Variants in ZFYVE9 observed in about 807,000 individuals in gnomAD.
ZFYVE9 encodes the protein zinc finger FYVE domain-containing protein 9.
A neutral mutation model predicts 126.7 loss-of-function variants in ZFYVE9; 43 were observed. The ratio of observed to expected loss-of-function variants is 0.34; its 90% CI spans 0.27 to 0.44. The LOEUF (loss-of-function observed/expected upper bound fraction) is 0.44. ZFYVE9 is among the 20% of genes least tolerant of loss of function. The probability of loss-of-function intolerance (pLI) is 1.00; values close to 1 mark genes in which losing one functional copy is unlikely to be tolerated. For synonymous variants in ZFYVE9, 521 were observed against 597.4 expected (o/e 0.87, Z 1.87); for missense variants, 1,476 against 1,697.0 (o/e 0.87, Z 2.29).
intron 1 of ZFYVE9, among the ~76,000 whole-genome samples, chr1:52,164,884 G>T (rs898260097): frequency 6.6e-6 from 1 of 152,166 alleles, no homozygotes; most frequent in Non-Finnish European, 1.5e-5. Context: ...ATATGATTGG[G>T]AAGTTTGTAG....
intron 1 of ZFYVE9, among the ~76,000 whole-genome samples, chr1:52,154,648 C>G (rs750111384): frequency 6.6e-6 from 1 of 152,206 alleles, no homozygotes; most frequent in Non-Finnish European, 1.5e-5. Flanking sequence ...CTTTGTCCTT[C>G]TCCTTAAAGG....
chr1:52,242,751 G>T (rs1645347124), intron 4 of ZFYVE9, among the ~76,000 whole-genome samples: 1 of 152,138 alleles, frequency 6.6e-6, no homozygotes, highest in Admixed American at 6.5e-5. Flanking sequence ...AGCTGCTTTA[G>T]AATATTACAT....
chr1:52,328,356 C>A (rs768866678), intron 13 of ZFYVE9, among the ~76,000 whole-genome samples: 51 of 152,236 alleles, frequency 3.4e-4, no homozygotes, highest in Admixed American at 1.8e-3. Flanking sequence ...AATAACACAA[C>A]CAAAATGGAT....
chr1:52,317,659 G>C (rs894529831), intron 13 of ZFYVE9, among the ~76,000 whole-genome samples: 1 of 152,098 alleles, frequency 6.6e-6, no homozygotes, highest in African/African-American at 2.4e-5. Context: ...CCAAAAGCCA[G>C]TTCTTTGAGA....
chr1:52,292,653 G>A (rs1033858166), intron 10 of ZFYVE9, among the ~76,000 whole-genome samples: 1 of 151,776 alleles, frequency 6.6e-6, no homozygotes, highest in African/African-American at 2.4e-5. Context: ...TGTATTTTTA[G>A]TAGAGATGGG....
At chr1:52,193,778 G>A (rs1384554328) in intron 1 of ZFYVE9, among the ~76,000 whole-genome samples, 2 of 141,642 alleles carry the variant, frequency 1.4e-5, no homozygotes, top group Admixed American at 7.0e-5. Context: ...ATGTCTTAAT[G>A]TTTATCTTCA....
intron 6 of ZFYVE9, 34 bp downstream of exon 6, chr1:52,266,865 C>T: frequency 6.6e-7 from 1 of 1,513,200 alleles, no homozygotes; most frequent in Non-Finnish European, 8.8e-7. Context: ...TCTCTTTTTC[C>T]TCACGAAGTT....
rs531891662 is a variant in ZFYVE9 at position 52,282,763 on chromosome 1, AT to A, written c.3025+948del. Among the ~76,000 whole-genome samples the A allele has an allele frequency of 8.2e-4, 125 of 152,326 alleles. 1 individual carries two copies. The Middle Eastern group carries it at 0.024, about 29-fold the overall frequency. ...ACACAAAAATTCAGAAGCAACCTGA[AT>A]GCCTTAGCTATAGGTGGAAAGTTTA... On this transcript the variant is annotated intron_variant, in intron 10 of 18. Coordinates refer to ENST00000287727, the MANE Select transcript of ZFYVE9 (RefSeq NM_004799.4).
intron 2 of ZFYVE9, among the ~76,000 whole-genome samples, chr1:52,224,146 G>A (rs79139463): frequency 2.0e-5 from 3 of 152,346 alleles, no homozygotes; most frequent in Non-Finnish European, 4.4e-5. Context: ...TTGAGGAAGG[G>A]AGGAAAGGAA....
intron 1 of ZFYVE9, among the ~76,000 whole-genome samples, chr1:52,204,590 G>T (rs532709455): frequency 3.9e-5 from 6 of 152,244 alleles, no homozygotes; most frequent in Admixed American, 3.3e-4. Flanking sequence ...AGCTGGGCAT[G>T]GTTGCGTGTG....
chr1:52,184,759 G>C (rs550251035), intron 1 of ZFYVE9, among the ~76,000 whole-genome samples: 5 of 152,018 alleles, frequency 3.3e-5, no homozygotes, highest in Admixed American at 3.3e-4. Context: ...AACTGAGTGC[G>C]GTGACCTATA....
intron 2 of ZFYVE9, among the ~76,000 whole-genome samples, chr1:52,225,195 G>A (rs346553): frequency 0.23 from 34,721 of 152,110 alleles, 8,231 homozygotes; most frequent in African/African-American, 0.61. Flanking sequence ...GGAATTCTTA[G>A]GGATCCTCCC....
At chr1:52,180,423 A>G (rs1644687200) in intron 1 of ZFYVE9, 1 of 1,442,282 alleles carries the variant, frequency 6.9e-7, no homozygotes, top group Non-Finnish European at 9.7e-7. Context: ...GTTGCAGTGA[A>G]AACTGTCTGA....
At chr1:52,181,618 C>T (rs1013910661) in intron 1 of ZFYVE9, among the ~76,000 whole-genome samples, 1 of 151,190 alleles carries the variant, frequency 6.6e-6, no homozygotes, top group African/African-American at 2.4e-5. Context: ...GCCCGCCCGC[C>T]ATCCCATCTA....
chr1:52,188,768 TTTAG>T (rs1404415042), intron 1 of ZFYVE9, among the ~76,000 whole-genome samples: 4 of 152,084 alleles, frequency 2.6e-5, no homozygotes, highest in Admixed American at 2.6e-4. Context: ...TATTTCTAGT[TTTAG>T]TTCTTGTTTT....
chr1:52,244,027 C>T (rs1645360232), intron 4 of ZFYVE9, among the ~76,000 whole-genome samples: 1 of 152,062 alleles, frequency 6.6e-6, no homozygotes, highest in African/African-American at 2.4e-5. Context: ...GGGTTTATCA[C>T]CTATATAAAA....
intron 2 of ZFYVE9, among the ~76,000 whole-genome samples, chr1:52,223,566 G>A (rs1194002546): frequency 6.6e-6 from 1 of 152,082 alleles, no homozygotes; most frequent in African/African-American, 2.4e-5. Context: ...TGGTGACAAA[G>A]TGGAGCTTTA....
chr1:52,196,120 G>T (rs775076568), intron 1 of ZFYVE9, among the ~76,000 whole-genome samples: 5 of 152,014 alleles, frequency 3.3e-5, no homozygotes, highest in Non-Finnish European at 5.9e-5. Context: ...TCCACAATCT[G>T]GGTGCTCCCA....
chr1:52,148,668 G>C (rs1644326183), intron 1 of ZFYVE9, among the ~76,000 whole-genome samples: 1 of 150,356 alleles, frequency 6.7e-6, no homozygotes, highest in Non-Finnish European at 1.5e-5. Context: ...TTGAGATGGA[G>C]TCTTGCTCTG....
Sources: allele counts gnomAD v4.1 joint callset (sites outside exome capture counted in the v4.1 genomes callset), GRCh38; gene constraint gnomAD v4.1.1; transcripts MANE v1.5; gene names NCBI Gene and HGNC (gene_info 2026-07-23, HGNC 2026-07-21).